GRIK2: variants seen among roughly 807,000 people sequenced by gnomAD.
GRIK2 encodes glutamate ionotropic receptor kainate type subunit 2, also known as glutamate receptor ionotropic, kainate 2.
GRIK2 carries 32 observed loss-of-function variants against 100.3 expected under a neutral mutation model. The observed-to-expected ratio is 0.32, with a 90% CI of 0.24 to 0.43. GRIK2 has a LOEUF of 0.43. Ranked by LOEUF, GRIK2 falls within the 20% of genes least tolerant of loss-of-function variation. GRIK2 has a pLI of 1.00. For missense variants in GRIK2, 843 were observed against 1,114.9 expected (o/e 0.76, Z 3.47); for synonymous variants, 417 against 389.4 (o/e 1.07, Z -0.83).
At chr6:101,717,773 T>C (rs1362778245) in intron 7 of GRIK2, among the ~76,000 whole-genome samples, 1 of 151,812 alleles carries the variant, frequency 6.6e-6, no homozygotes, top group East Asian at 1.9e-4. Context: ...ATATGGCAAC[T>C]GAGATTCACA....
chr6:101,862,013 G>A (rs1784761038), intron 11 of GRIK2, among the ~76,000 whole-genome samples: 1 of 152,074 alleles, frequency 6.6e-6, no homozygotes, highest in Non-Finnish European at 1.5e-5. Flanking sequence ...TTTATGGAGG[G>A]GCAATAAATG....
chr6:101,801,142 C>A (rs1005988987), intron 8 of GRIK2, among the ~76,000 whole-genome samples: 1 of 151,980 alleles, frequency 6.6e-6, no homozygotes, highest in Admixed American at 6.6e-5. Flanking sequence ...GCAATTTCAC[C>A]TGGTATACAT....
intron 2 of GRIK2, among the ~76,000 whole-genome samples, chr6:101,547,348 TA>T (rs1776294249): frequency 6.6e-6 from 1 of 152,232 alleles, no homozygotes; most frequent in African/African-American, 2.4e-5. Context: ...CTTTAAGTTT[TA>T]GGGTACATAT....
intron 15 of GRIK2, among the ~76,000 whole-genome samples, chr6:102,054,165 C>T (rs939998961): frequency 6.6e-6 from 1 of 152,146 alleles, no homozygotes; most frequent in Non-Finnish European, 1.5e-5. Flanking sequence ...AACAACTTTT[C>T]AGTTGAGTTT....
chr6:101,590,831 TA>T (rs1422160920), intron 2 of GRIK2, among the ~76,000 whole-genome samples: 3 of 152,062 alleles, frequency 2.0e-5, no homozygotes, highest in African/African-American at 7.2e-5. Flanking sequence ...TTTTAGACAT[TA>T]ACTATCTTTT....
intron 14 of GRIK2, among the ~76,000 whole-genome samples, chr6:101,979,647 C>T (rs1793598338): frequency 6.6e-6 from 1 of 151,886 alleles, no homozygotes; most frequent in Admixed American, 6.6e-5. Flanking sequence ...TGTGCAAGAG[C>T]TCTAACTTGG....
At chr6:101,956,485 A>G (rs893205999) in intron 14 of GRIK2, among the ~76,000 whole-genome samples, 5 of 152,020 alleles carry the variant, frequency 3.3e-5, no homozygotes, top group Non-Finnish European at 5.9e-5. Flanking sequence ...CATCGCCCCA[A>G]TAGTGAACAT....
chr6:101,791,443 T>C (rs1269814469), intron 7 of GRIK2, among the ~76,000 whole-genome samples: 5 of 152,188 alleles, frequency 3.3e-5, no homozygotes, highest in Non-Finnish European at 7.3e-5. Flanking sequence ...AGATCTTTAT[T>C]TCTGCCTTCA....
At position 102,068,526 on chromosome 6, in the gene GRIK2, A is replaced by T; in HGVS notation, c.*15A>T. The T allele has an allele frequency of 6.2e-7, 1 of 1,606,250 alleles. No homozygotes were observed. The highest frequency in any genetic ancestry group is 8.5e-7 in the Non-Finnish European group (1 of 1,175,332). ...CCATGGCATAAAGCTGGGAGGCCAA[A>T]CACCCAAGCACAAACTGTCGTCTTT... On this transcript the variant is annotated 3_prime_UTR_variant, in exon 17 of 17. Coordinates refer to ENST00000369134, the MANE Select transcript of GRIK2 (RefSeq NM_021956.5).
chr6:101,788,433 C>A (rs1779588199), intron 7 of GRIK2, among the ~76,000 whole-genome samples: 2 of 149,506 alleles, frequency 1.3e-5, no homozygotes, highest in Non-Finnish European at 3.0e-5. Flanking sequence ...TTGTTCAATT[C>A]CCATCTATGA....
chr6:101,576,541 G>A (rs1035157611), intron 2 of GRIK2, among the ~76,000 whole-genome samples: 3 of 151,942 alleles, frequency 2.0e-5, no homozygotes, highest in Non-Finnish European at 4.4e-5. Context: ...TTGTATGCAG[G>A]AAACTGATGT....
chr6:101,478,506 GTTT>G (rs5878666), intron 2 of GRIK2, among the ~76,000 whole-genome samples: 6 of 119,576 alleles, frequency 5.0e-5, no homozygotes, highest in Non-Finnish European at 5.1e-5. Context: ...TTCTGTTTTG[GTTT>G]TTTTTTTTTT....
intron 2 of GRIK2, among the ~76,000 whole-genome samples, chr6:101,410,547 G>T (rs1480065693): frequency 1.3e-5 from 2 of 152,044 alleles, no homozygotes; most frequent in Admixed American, 6.6e-5. Context: ...AGTGTTGGGG[G>T]ATCAGCATAG....
intron 2 of GRIK2, among the ~76,000 whole-genome samples, chr6:101,473,190 CTCCT>C (rs1174966961): frequency 3.6e-5 from 5 of 140,280 alleles, no homozygotes; most frequent in Admixed American, 1.5e-4. Flanking sequence ...CCCTCCCTCG[CTCCT>C]TCCTTCCTTC....
Position 101,968,975 on chromosome 6 carries a change from A to C in GRIK2, c.2085+40343A>C, listed in dbSNP as rs570329380. Among the ~76,000 whole-genome samples, 7 of 152,170 alleles carry C rather than the reference A, an allele frequency of 4.6e-5. No individual in the cohort carries two copies. In the South Asian group the frequency reaches 1.4e-3, roughly 31 times the overall value. ...GTAACTCAATAGAGAAGAATATTTT[A>C]AACATTAAAGACTCATGACAATAAA... On this transcript the variant is annotated intron_variant, in intron 14 of 16. Transcript: ENST00000369134.
chr6:101,690,262 C>T (rs1194993351), intron 7 of GRIK2, among the ~76,000 whole-genome samples: 1 of 151,864 alleles, frequency 6.6e-6, no homozygotes, highest in Non-Finnish European at 1.5e-5. Flanking sequence ...CACATATTTC[C>T]TTGATAATAT....
At position 101,631,441 on chromosome 6, in the gene GRIK2, CAAG is replaced by C. The variant is rs199668139; in HGVS notation, c.541+4808_541+4810del. Among the ~76,000 whole-genome samples the C allele has an allele frequency of 1.0e-2, 1,520 of 152,154 alleles. 30 individuals carry two copies. Among genetic ancestry groups the C allele is most frequent in the African/African-American group, 0.035 (1,454 of 41,522 alleles). ...ATTACTGGTACAACTTCAGAAAATACAAGAAGGGAATGGAAATGCCTGCAGAAA... is the reference window on the plus strand; with the variant it reads ...ATTACTGGTACAACTTCAGAAAATACAAGGGAATGGAAATGCCTGCAGAAA... On this transcript the variant is annotated intron_variant, in intron 4 of 16. Transcript: ENST00000369134.
At chr6:101,518,640 T>C (rs973008431) in intron 2 of GRIK2, among the ~76,000 whole-genome samples, 1 of 152,186 alleles carries the variant, frequency 6.6e-6, no homozygotes, top group Non-Finnish European at 1.5e-5. Flanking sequence ...GGAAAAAGAT[T>C]CTACAGCCAA....
At chr6:101,505,814 G>A (rs1189441809) in intron 2 of GRIK2, among the ~76,000 whole-genome samples, 5 of 148,776 alleles carry the variant, frequency 3.4e-5, no homozygotes. Context: ...AAGACATTTT[G>A]TTTTTCATCT....
Sources: allele counts gnomAD v4.1 joint callset (sites outside exome capture counted in the v4.1 genomes callset), GRCh38; gene constraint gnomAD v4.1.1; transcripts MANE v1.5; gene names NCBI Gene and HGNC (gene_info 2026-07-23, HGNC 2026-07-21).